The following MYO9A variants were observed in gnomAD, a reference collection of about 807,000 sequenced individuals.
MYO9A encodes the protein myosin IXA.
A neutral mutation model predicts 293.3 loss-of-function variants in MYO9A; 103 were observed. The ratio of observed to expected loss-of-function variants is 0.35; its 90% confidence interval spans 0.30 to 0.41. The LOEUF (loss-of-function observed/expected upper bound fraction) is 0.41. MYO9A is among the 10% of genes least tolerant of loss of function. MYO9A has a pLI of 1.00. For synonymous variants in MYO9A, 1,001 were observed against 1,035.7 expected, an observed-to-expected ratio of 0.97 and a Z score of 0.64; for missense variants, 2,685 against 3,033.0, an observed-to-expected ratio of 0.89 and a Z score of 2.69.
chr15:71,956,625 G>A (rs566678630), intron 14 of MYO9A, among the ~76,000 whole-genome samples: 101 of 150,116 alleles, frequency 6.7e-4, no homozygotes, highest in African/African-American at 2.4e-3. Flanking sequence ...CAGCCTGGGC[G>A]ACAGAGCGAG....
chr15:71,829,993 T>C, intron 40 of MYO9A, 116 bp downstream of exon 40: 1 of 1,062,340 alleles, frequency 9.4e-7, no homozygotes, highest in Non-Finnish European at 1.4e-6. Flanking sequence ...TCCTGTATCA[T>C]CTGACACAGT....
intron 1 of MYO9A, among the ~76,000 whole-genome samples, chr15:72,051,783 G>A (rs546808529): frequency 1.3e-5 from 2 of 152,226 alleles, no homozygotes; most frequent in African/African-American, 4.8e-5. Flanking sequence ...GGGTACTGAG[G>A]GCAGCTCAGT....
intron 20 of MYO9A, 55 bp from the exon 21 acceptor site, chr15:71,904,094 T>C (rs1445940598): frequency 2.2e-6 from 3 of 1,357,752 alleles, no homozygotes; most frequent in African/African-American, 1.4e-5. Flanking sequence ...AAATTAATTA[T>C]CTGTTTATAA....
At chr15:71,882,209 C>T (rs1308966932) in intron 28 of MYO9A, among the ~76,000 whole-genome samples, 1 of 152,242 alleles carries the variant, frequency 6.6e-6, no homozygotes, top group East Asian at 1.9e-4. Flanking sequence ...GGACCTCTTT[C>T]TATTTTAGTC....
intron 1 of MYO9A, among the ~76,000 whole-genome samples, chr15:72,086,683 G>A (rs1369427114): frequency 6.6e-6 from 1 of 152,122 alleles, no homozygotes; most frequent in Non-Finnish European, 1.5e-5. Flanking sequence ...GAGGGGTTGG[G>A]GTGTAAGCTG....
At chr15:72,110,534 A>G (rs767097577) in intron 1 of MYO9A, among the ~76,000 whole-genome samples, 3 of 151,960 alleles carry the variant, frequency 2.0e-5, no homozygotes, top group Non-Finnish European at 2.9e-5. Flanking sequence ...ATACTTACAC[A>G]CTACAAACAG....
chr15:72,078,829 A>T (rs2079450007), intron 1 of MYO9A, among the ~76,000 whole-genome samples: 3 of 152,364 alleles, frequency 2.0e-5, no homozygotes, highest in Non-Finnish European at 4.4e-5. Context: ...CCATGAAAAA[A>T]TACAGAGGAA....
At chr15:71,978,356 G>A in intron 11 of MYO9A, 64 bp from the exon 12 acceptor site, 4 of 1,385,298 alleles carry the variant, frequency 2.9e-6, no homozygotes, top group Non-Finnish European at 3.9e-6. Context: ...ATATAATATA[G>A]ATTGAAAAGC....
intron 31 of MYO9A, 94 bp downstream of exon 31, chr15:71,877,946 T>G (rs574402404): frequency 1.8e-6 from 2 of 1,129,004 alleles, no homozygotes; most frequent in African/African-American, 3.2e-5. Flanking sequence ...AAAATAAAAT[T>G]TTTCTCAAAT....
intron 14 of MYO9A, among the ~76,000 whole-genome samples, chr15:71,954,816 G>C (rs903758825): frequency 5.3e-5 from 8 of 152,162 alleles, no homozygotes; most frequent in Non-Finnish European, 8.8e-5. Context: ...ATGTAACAGA[G>C]GCTCAGTCCC....
At position 71,959,847 on chromosome 15, in the gene MYO9A, G is replaced by GT. The variant is rs773619624; in HGVS notation, c.2182+53dup. 3.5e-5 allele frequency: 27 copies of GT among 778,802 alleles called. No individual in the cohort carries two copies. The African/African-American group carries it at 3.6e-4, about 10-fold the overall frequency. 48.2% of individuals were successfully genotyped at this position (778,802 alleles called of 1,614,324 possible). On this transcript the variant is annotated intron_variant, in intron 14 of 41. Coordinates refer to ENST00000356056, the MANE Select transcript of MYO9A (RefSeq NM_006901.4). Reference sequence around the variant, plus strand: ...CTCCTTTTTGTGGAGAAGTAGAAAGGTAAAAAAAAAAAAAAAGATGAAGTA... The same window carrying GT: ...CTCCTTTTTGTGGAGAAGTAGAAAGGTTAAAAAAAAAAAAAAAGATGAAGTA...
At chr15:72,103,531 AGCAGAAGCAGCAGAAGCAG>A (rs1173294121) in intron 1 of MYO9A, among the ~76,000 whole-genome samples, 28 of 150,992 alleles carry the variant, frequency 1.9e-4, no homozygotes, top group Non-Finnish European at 3.1e-4. Flanking sequence ...AAGCAGTGGA[AGCAGAAGCAGCAGAAGCAG>A]TGGAAGCAGA....
intron 1 of MYO9A, among the ~76,000 whole-genome samples, chr15:72,063,875 C>A (rs1026863307): frequency 6.6e-6 from 1 of 152,076 alleles, no homozygotes; most frequent in Non-Finnish European, 1.5e-5. Flanking sequence ...CAGCACTATT[C>A]GCAATCACCA....
intron 39 of MYO9A, among the ~76,000 whole-genome samples, chr15:71,844,178 T>C (rs949934202): frequency 2.0e-5 from 3 of 152,218 alleles, no homozygotes; most frequent in Admixed American, 2.0e-4. Flanking sequence ...CTACAGCCTT[T>C]CCCTGTGCCA....
intron 32 of MYO9A, among the ~76,000 whole-genome samples, chr15:71,874,468 A>G (rs886872441): frequency 1.3e-5 from 2 of 152,212 alleles, no homozygotes; most frequent in African/African-American, 2.4e-5. Flanking sequence ...AGAGGCAGTC[A>G]CGCTCAAGAT....
rs551954006 is a variant in MYO9A, at chr15:72,047,313, G to A, written c.-71-679C>T. Among the ~76,000 whole-genome samples the A allele has an allele frequency of 1.4e-4, 21 of 152,210 alleles. No individual in the cohort carries two copies. In the East Asian group the frequency reaches 3.7e-3, roughly 27 times the overall value. On this transcript the variant is annotated intron_variant, in intron 1 of 41. Coordinates refer to ENST00000356056, the MANE Select transcript of MYO9A (RefSeq NM_006901.4). ...CAAATTTAACACAATTATACAACTA[G>A]GCACCACTACAAATTTTATTCAGCT...
Position 71,959,918 on chromosome 15 carries a change from T to C in MYO9A, c.2165A>G (p.Asn722Ser). 1 of 1,613,732 alleles carries C rather than the reference T, an allele frequency of 6.2e-7. No homozygotes were observed. Among genetic ancestry groups the C allele is most frequent in the Non-Finnish European group, 8.5e-7 (1 of 1,179,902 alleles). The change falls in exon 14 of 42, where the codon AAC (asparagine) becomes AGC (serine). Residue 722 changes from asparagine (N) to serine (S), a missense_variant. Transcript: ENST00000356056. ...CTACTTACCAGTTTTTCTGTGAATG[T>C]TTCTTTTCCCAGCTTCCCTGAAAGC... is the stretch of plus-strand genomic sequence containing the variant. ...MVAFREAGKR[N>S]IHRKTGHDDT...
At chr15:72,042,112 C>A (rs1596455610) in intron 2 of MYO9A, among the ~76,000 whole-genome samples, 1 of 102,334 alleles carries the variant, frequency 9.8e-6, no homozygotes, top group Admixed American at 1.2e-4. Context: ...TCTATCAATG[C>A]AAAAGATTGA....
intron 1 of MYO9A, among the ~76,000 whole-genome samples, chr15:72,064,707 T>C (rs2078970006): frequency 6.6e-6 from 1 of 152,122 alleles, no homozygotes; most frequent in African/African-American, 2.4e-5. Context: ...ATACGTAAGG[T>C]CGCAAGAAGA....
Sources: allele counts gnomAD v4.1 joint callset (sites outside exome capture counted in the v4.1 genomes callset), GRCh38; gene constraint gnomAD v4.1.1; transcripts MANE v1.5; gene names NCBI Gene and HGNC (gene_info 2026-07-23, HGNC 2026-07-21).